Variants in H2BC5 observed in about 807,000 individuals in gnomAD.
H2BC5 encodes histone H2B type 1-D.
In H2BC5, 9 loss-of-function variants were observed where a neutral mutation model predicts 5.7. That is an observed-to-expected ratio of 1.57 (90% confidence interval 0.95 to 2.74). H2BC5 has a LOEUF of 2.74. Ranked by LOEUF, H2BC5 falls within the 30% of genes most tolerant of loss-of-function variation. H2BC5 has a pLI of 0.00. For synonymous variants in H2BC5, 133 were observed against 70.9 expected (o/e 1.88, Z -4.40); for missense variants, 175 against 168.8 (o/e 1.04, Z -0.20).
downstream of H2BC5, among the ~76,000 whole-genome samples, chr6:26,159,267 T>TTG (rs1554163552): frequency 2.3e-4 from 33 of 141,034 alleles, no homozygotes; most frequent in African/African-American, 8.2e-4. Flanking sequence ...TTTTTTTTTT[T>TTG]TTTTTGGCAG....
At chr6:26,162,642 C>A (rs978946429), downstream of H2BC5, among the ~76,000 whole-genome samples, 6 of 151,878 alleles carry the variant, frequency 4.0e-5, no homozygotes, top group Non-Finnish European at 8.8e-5. Flanking sequence ...CCCAGCCTCC[C>A]GCATTCATCT....
chr6:26,159,087 T>C (rs1382185704), downstream of H2BC5, among the ~76,000 whole-genome samples: 2 of 152,168 alleles, frequency 1.3e-5, no homozygotes, highest in African/African-American at 4.8e-5. Context: ...CTGATTTGTT[T>C]TGTAATTGGG....
chr6:26,166,990 C>T (rs528796416), intron 1 of H2BC5, among the ~76,000 whole-genome samples: 1 of 150,576 alleles, frequency 6.6e-6, no homozygotes, highest in African/African-American at 2.4e-5. Flanking sequence ...CATGAGCCAC[C>T]GTGCCCGGCC....
downstream of H2BC5, among the ~76,000 whole-genome samples, chr6:26,162,541 T>TTG (rs1764368567): frequency 6.6e-6 from 1 of 152,098 alleles, no homozygotes; most frequent in Non-Finnish European, 1.5e-5. Context: ...TTGGTTTTTG[T>TTG]TTGTTGTTGT....
At position 26,158,349 on chromosome 6, in the gene H2BC5, G is replaced by T; in HGVS notation, c.180G>T (p.Met60Ile). ...HPDTGISSKA[M>I]GIMNSFVNDI... ...ACACCGGCATCTCTTCCAAGGCAAT[G>T]GGGATCATGAATTCCTTCGTCAACG... The change falls in exon 1 of 1, where the codon ATG becomes ATT. Residue 60 changes from methionine to isoleucine, a missense_variant. Physicochemically the swap from Met to Ile is conservative, Grantham distance 10. Transcript: ENST00000377777. 6.2e-7 allele frequency: 1 copy of T among 1,614,276 alleles called. No individual in the cohort carries two copies. The highest frequency in any genetic ancestry group is 8.5e-7 in the Non-Finnish European group (1 of 1,180,048).
chr6:26,168,241 CT>C (rs1260162914), intron 1 of H2BC5, among the ~76,000 whole-genome samples: 1 of 151,978 alleles, frequency 6.6e-6, no homozygotes, highest in African/African-American at 2.4e-5. Flanking sequence ...GGCAGATCAC[CT>C]GAGGTCGGGA....
At chr6:26,163,875 C>T (rs1425611019) in intron 1 of H2BC5, among the ~76,000 whole-genome samples, 1 of 152,094 alleles carries the variant, frequency 6.6e-6, no homozygotes, top group Non-Finnish European at 1.5e-5. Context: ...AACTCCTGAG[C>T]TCAAGCAATC....
rs145666937 is a variant in H2BC5 at position 26,158,241 on chromosome 6, G to A, written c.72G>A (p.Lys24=). 932 of 1,614,154 alleles carry A rather than the reference G, an allele frequency of 5.8e-4. 7 individuals carry two copies. The highest frequency in any genetic ancestry group is 6.7e-4 in the Admixed American group (40 of 60,010). The change falls in exon 1 of 1, where the codon AAG becomes AAA. Residue 24 remains lysine (K), a synonymous_variant. Coordinates refer to ENST00000377777, the MANE Select transcript of H2BC5 (RefSeq NM_021063.4). The part of the protein sequence containing the change: ...GSKKAVTKAQ[K]KDGKKRKRSR... ...AGAAGGCGGTGACTAAGGCTCAGAA[G>A]AAGGACGGGAAGAAGCGCAAGCGCA...
At chr6:26,164,798 A>T (rs1764396320) in intron 1 of H2BC5, among the ~76,000 whole-genome samples, 1 of 151,772 alleles carries the variant, frequency 6.6e-6, no homozygotes, top group Non-Finnish European at 1.5e-5. Flanking sequence ...CTCTGGTGGT[A>T]CCCCTGAGCC....
At chr6:26,165,847 C>T (rs1282260146) in intron 1 of H2BC5, among the ~76,000 whole-genome samples, 1 of 152,196 alleles carries the variant, frequency 6.6e-6, no homozygotes, top group Non-Finnish European at 1.5e-5. Flanking sequence ...CAGGAGGGAA[C>T]CCTGCCAGCT....
chr6:26,164,568 C>T (rs1365664847), intron 1 of H2BC5, among the ~76,000 whole-genome samples: 1 of 150,920 alleles, frequency 6.6e-6, no homozygotes, highest in Non-Finnish European at 1.5e-5. Flanking sequence ...ATCCTAACTT[C>T]TTCTGAGAGG....
At position 26,158,351 on chromosome 6, in the gene H2BC5, G is replaced by T; in HGVS notation, c.182G>T (p.Gly61Val). 1.2e-6 allele frequency: 2 copies of T among 1,614,262 alleles called. No homozygotes were observed. Among genetic ancestry groups the T allele is most frequent in the Non-Finnish European group, 1.7e-6 (2 of 1,180,050 alleles). Residue 61 changes from glycine (G) to valine (V), a missense_variant, in exon 1 of 1, where the codon GGG (glycine) becomes GTG (valine). Physicochemically the swap from Gly to Val is moderately radical, Grantham distance 109. This residue lies in a region of H2BC5 where 119 missense variants were observed against 85.6 expected (regional missense o/e 1.39). Transcript: ENST00000377777. ...ACCGGCATCTCTTCCAAGGCAATGG[G>T]GATCATGAATTCCTTCGTCAACGAC... is the stretch of plus-strand genomic sequence containing the variant. Reference protein sequence around the residue: ...PDTGISSKAMGIMNSFVNDIF... With the variant: ...PDTGISSKAMVIMNSFVNDIF...
chr6:26,161,055 A>G (rs1764344463), downstream of H2BC5: 1 of 152,080 alleles, frequency 6.6e-6, no homozygotes, highest in African/African-American at 2.4e-5. Context: ...TAAAAATACA[A>G]AAATCATCCA....
In H2BC5 at chr6:26,158,449, G is replaced by T. The variant is rs1177142438; in HGVS notation, c.280G>T (p.Glu94Ter). ...YNKRSTITSR[E>*]IQTAVRLLLP... The stretch of plus-strand genomic sequence containing the variant: ...CAAGCGCTCGACCATCACCTCCAGG[G>T]AGATCCAGACGGCCGTGCGCCTGCT... The change falls in exon 1 of 1, where the codon GAG (glutamate) becomes TAG (stop). Residue 94 changes from glutamate to a stop codon, truncating the protein, a stop_gained. Transcript: ENST00000377777. LOFTEE classifies it high-confidence loss of function. 1 of 1,614,270 alleles carries T rather than the reference G, an allele frequency of 6.2e-7. No individual in the cohort carries two copies. The highest frequency in any genetic ancestry group is 2.2e-5 in the East Asian group (1 of 44,888).
At chr6:26,163,468 C>T (rs1370808751), downstream of H2BC5, 5 of 152,048 alleles carry the variant, frequency 3.3e-5, no homozygotes, top group Non-Finnish European at 5.9e-5. Context: ...GTTATGGCTC[C>T]GGGTCTTCCT....
downstream of H2BC5, chr6:26,158,768 G>A (rs192897073): frequency 1.2e-4 from 86 of 696,390 alleles, no homozygotes; most frequent in Non-Finnish European, 1.9e-4. Context: ...CTATGGGTAC[G>A]TATTAGATCG....
At chr6:26,169,888 G>C (rs1433297280) in intron 1 of H2BC5, among the ~76,000 whole-genome samples, 1 of 151,440 alleles carries the variant, frequency 6.6e-6, no homozygotes, top group South Asian at 2.1e-4. Flanking sequence ...GTGGCAGGGC[G>C]AGACTCCATC....
At chr6:26,162,768 A>T (rs1764370599), downstream of H2BC5, among the ~76,000 whole-genome samples, 1 of 152,110 alleles carries the variant, frequency 6.6e-6, no homozygotes, top group African/African-American at 2.4e-5. Flanking sequence ...CAAACTCCTG[A>T]CCTCAAGTGA....
At position 26,158,517 on chromosome 6, in the gene H2BC5, C is replaced by T. The variant is rs1013828592; in HGVS notation, c.348C>T (p.Thr116=). ...CCAAGCACGCCGTGTCGGAGGGCAC[C>T]AAGGCCGTCACCAAGTACACCAGTT... is the stretch of plus-strand genomic sequence containing the variant. ...ELAKHAVSEG[T]KAVTKYTSSK is the part of the protein sequence containing the mutation. The change falls in exon 1 of 1, where the codon ACC becomes ACT. Residue 116 remains threonine (T), a synonymous_variant. Coordinates refer to ENST00000377777, the MANE Select transcript of H2BC5 (RefSeq NM_021063.4). 11 of 1,614,258 alleles carry T rather than the reference C, an allele frequency of 6.8e-6. No homozygotes were observed. The highest frequency in any genetic ancestry group is 8.5e-6 in the Non-Finnish European group (10 of 1,180,052).
Sources: allele counts gnomAD v4.1 joint callset (sites outside exome capture counted in the v4.1 genomes callset), GRCh38; gene constraint gnomAD v4.1.1; regional missense constraint gnomAD v4.1.1; transcripts MANE v1.5; gene names NCBI Gene and HGNC (gene_info 2026-07-23, HGNC 2026-07-21).